Variants in ABCA13 observed in about 807,000 individuals in gnomAD.
ABCA13 encodes the protein ATP-binding cassette sub-family A member 13.
Under a neutral mutation model 478.7 loss-of-function variants are expected in ABCA13, and 476 were observed. The ratio of observed to expected loss-of-function variants is 0.99; its 90% CI spans 0.92 to 1.07. ABCA13 has a LOEUF of 1.07. Ranked by LOEUF, ABCA13 falls within the 50% of genes least tolerant of loss-of-function variation. The pLI, the probability that ABCA13 is intolerant of heterozygous loss-of-function variation, is 0.00. For synonymous variants in ABCA13, 2,252 were observed against 2,158.9 expected, an observed-to-expected ratio of 1.04 and a Z score of -1.20; for missense variants, 6,060 against 5,910.6, an observed-to-expected ratio of 1.03 and a Z score of -0.83.
chr7:48,549,720 G>A (rs1373854314), intron 55 of ABCA13, among the ~76,000 whole-genome samples: 1 of 151,864 alleles, frequency 6.6e-6, no homozygotes, highest in Non-Finnish European at 1.5e-5. Context: ...AGCCTCACCA[G>A]CATGTATTGT....
At chr7:48,441,784 A>G (rs993665692) in intron 42 of ABCA13, among the ~76,000 whole-genome samples, 5 of 152,122 alleles carry the variant, frequency 3.3e-5, no homozygotes, top group Non-Finnish European at 5.9e-5. Context: ...TGGATGTTAT[A>G]GAGATGTGAT....
chr7:48,574,459 G>T (rs1477163859), intron 55 of ABCA13, among the ~76,000 whole-genome samples: 2 of 152,078 alleles, frequency 1.3e-5, no homozygotes, highest in African/African-American at 4.8e-5. Flanking sequence ...TTATAAATTT[G>T]ATAGGTTTAG....
At chr7:48,200,990 G>GAGAC (rs35878068) in intron 3 of ABCA13, among the ~76,000 whole-genome samples, 40,735 of 151,992 alleles carry the variant, frequency 0.27, 5,646 homozygotes, top group Admixed American at 0.31. Context: ...GAAATAGAAA[G>GAGAC]AGAATAAGAG....
At chr7:48,505,347 G>A (rs143815497) in intron 48 of ABCA13, among the ~76,000 whole-genome samples, 10 of 152,210 alleles carry the variant, frequency 6.6e-5, no homozygotes, top group African/African-American at 2.2e-4. Context: ...TACCTTTTTT[G>A]TAGGCTTACT....
intron 42 of ABCA13, among the ~76,000 whole-genome samples, chr7:48,438,899 T>TA (rs1554513959): frequency 1.4e-4 from 21 of 150,562 alleles, no homozygotes; most frequent in Middle Eastern, 3.4e-3. Context: ...TTTTTTTTTT[T>TA]AAAAAACTAA....
intron 57 of ABCA13, among the ~76,000 whole-genome samples, chr7:48,590,519 G>T (rs1230493477): frequency 6.6e-6 from 1 of 152,094 alleles, no homozygotes; most frequent in Non-Finnish European, 1.5e-5. Context: ...TGAGATTACT[G>T]GATCAGTGGC....
chr7:48,352,205 T>A lies in ABCA13; in HGVS notation c.10406T>A (p.Phe3469Tyr). The A allele has an allele frequency of 6.2e-7, 1 of 1,606,248 alleles. No individual in the cohort carries two copies. The highest frequency in any genetic ancestry group is 8.5e-7 in the Non-Finnish European group (1 of 1,175,092). The change falls in exon 31 of 62, where the codon TTC (phenylalanine) becomes TAC (tyrosine). Residue 3469 changes from phenylalanine (F) to tyrosine (Y), a missense_variant. This residue lies in a region of ABCA13 where 4,423 missense variants were observed against 4,309.1 expected (regional missense o/e 1.03). Coordinates refer to ENST00000435803, the MANE Select transcript of ABCA13 (RefSeq NM_152701.5). ...LASIIFSNSL[F>Y]DKNFRSESVK... ...GGTATCATTTTCAGCAATTCCTTAT[T>A]CGACAAGAACTTCAGATCAGAGTCT...
chr7:48,504,032 CAAAA>C (rs1263565561), intron 48 of ABCA13, among the ~76,000 whole-genome samples: 2 of 152,032 alleles, frequency 1.3e-5, no homozygotes, highest in East Asian at 3.9e-4. Flanking sequence ...AAGCTGGAAA[CAAAA>C]CAAACAAAAT....
intron 44 of ABCA13, among the ~76,000 whole-genome samples, chr7:48,469,650 C>T (rs181258231): frequency 6.6e-6 from 1 of 152,026 alleles, no homozygotes; most frequent in Admixed American, 6.6e-5. Flanking sequence ...CCTCTGTCTT[C>T]GAGATTTAAA....
intron 8 of ABCA13, among the ~76,000 whole-genome samples, chr7:48,235,063 C>T (rs1377161232): frequency 6.6e-6 from 1 of 152,198 alleles, no homozygotes; most frequent in Non-Finnish European, 1.5e-5. Context: ...CTCTCAGTCT[C>T]AGGGGTTAGA....
chr7:48,204,883 G>C (rs1203248364), intron 3 of ABCA13, among the ~76,000 whole-genome samples: 1 of 152,292 alleles, frequency 6.6e-6, no homozygotes, highest in East Asian at 1.9e-4. Flanking sequence ...TGGCCCAGGA[G>C]GGGTGAGTGA....
chr7:48,218,255 G>T (rs370451311), intron 3 of ABCA13, among the ~76,000 whole-genome samples: 1 of 152,288 alleles, frequency 6.6e-6, no homozygotes, highest in East Asian at 1.9e-4. Context: ...TATGGGTGAG[G>T]CAGGAGAGTT....
intron 54 of ABCA13, among the ~76,000 whole-genome samples, chr7:48,525,476 G>C (rs1048859320): frequency 6.6e-6 from 1 of 152,068 alleles, no homozygotes; most frequent in African/African-American, 2.4e-5. Flanking sequence ...GAATTTATTT[G>C]ATTATAGTTT....
At chr7:48,173,349 A>C (rs1215549929) in intron 1 of ABCA13, among the ~76,000 whole-genome samples, 2 of 152,204 alleles carry the variant, frequency 1.3e-5, no homozygotes, top group African/African-American at 4.8e-5. Flanking sequence ...TTGGTTCATC[A>C]ATGTATTCTC....
At chr7:48,300,263 A>C (rs965939613) in intron 23 of ABCA13, among the ~76,000 whole-genome samples, 1 of 152,228 alleles carries the variant, frequency 6.6e-6, no homozygotes, top group Non-Finnish European at 1.5e-5. Flanking sequence ...AATACTCTTC[A>C]GTGGTGCTAA....
At chr7:48,389,582 T>G (rs776735186) in intron 37 of ABCA13, among the ~76,000 whole-genome samples, 2 of 152,250 alleles carry the variant, frequency 1.3e-5, no homozygotes, top group Non-Finnish European at 2.9e-5. Flanking sequence ...CTTGCTTGCA[T>G]ATCTGTAGGA....
intron 60 of ABCA13, among the ~76,000 whole-genome samples, chr7:48,644,140 C>G (rs1252560863): frequency 6.6e-6 from 1 of 152,114 alleles, no homozygotes; most frequent in African/African-American, 2.4e-5. Flanking sequence ...AATTATGACT[C>G]TGAGTCACCC....
chr7:48,332,057 T>C (rs1355429664), intron 27 of ABCA13, among the ~76,000 whole-genome samples: 1 of 152,238 alleles, frequency 6.6e-6, no homozygotes, highest in Non-Finnish European at 1.5e-5. Flanking sequence ...AGTATCCATA[T>C]TGTGCAGATA....
At chr7:48,535,318 G>A (rs1301878604) in intron 55 of ABCA13, among the ~76,000 whole-genome samples, 1 of 152,168 alleles carries the variant, frequency 6.6e-6, no homozygotes, top group Admixed American at 6.5e-5. Flanking sequence ...CAGGCTCCAG[G>A]ATGGTATTGG....
Sources: allele counts gnomAD v4.1 joint callset (sites outside exome capture counted in the v4.1 genomes callset), GRCh38; gene constraint gnomAD v4.1.1; regional missense constraint gnomAD v4.1.1; transcripts MANE v1.5; gene names NCBI Gene and HGNC (gene_info 2026-07-23, HGNC 2026-07-21).